The following TENM3 variants were observed in gnomAD, a reference collection of about 807,000 sequenced individuals.
TENM3 encodes teneurin transmembrane protein 3, also known as teneurin-3.
Under a neutral mutation model 255.1 loss-of-function variants are expected in TENM3, and 63 were observed. The observed-to-expected ratio is 0.25, with a 90% CI of 0.20 to 0.30. The LOEUF (loss-of-function observed/expected upper bound fraction) is 0.30, where lower values mean the gene tolerates loss of function less well. TENM3 is among the 10% of genes least tolerant of loss of function. The probability of loss-of-function intolerance (pLI) is 1.00; values close to 1 mark genes in which losing one functional copy is unlikely to be tolerated. For missense variants in TENM3, 2,929 were observed against 3,461.1 expected, an observed-to-expected ratio of 0.85 and a Z score of 3.86; for synonymous variants, 1,306 against 1,322.3, an observed-to-expected ratio of 0.99 and a Z score of 0.27.
At chr4:182,516,901 A>C (rs1244820949) in intron 3 of TENM3, among the ~76,000 whole-genome samples, 2 of 152,028 alleles carry the variant, frequency 1.3e-5, no homozygotes, top group Non-Finnish European at 2.9e-5. Flanking sequence ...AAAAAAAAAA[A>C]AAATGTAGGA....
chr4:181,780,075 G>T, the TENM3 span, among the ~76,000 whole-genome samples: 5 of 152,034 alleles, frequency 3.3e-5, no homozygotes, highest in East Asian at 1.9e-4. Flanking sequence ...TTTGCTATTG[G>T]GAATAGTGCT....
chr4:182,216,157 A>G (rs1004630510), intron 1 of TENM3, among the ~76,000 whole-genome samples: 3 of 152,238 alleles, frequency 2.0e-5, no homozygotes, highest in Admixed American at 6.5e-5. Context: ...TACCAGCCAG[A>G]AATGATTGCC....
the TENM3 span, among the ~76,000 whole-genome samples, chr4:181,736,590 G>T: frequency 6.6e-6 from 1 of 151,898 alleles, no homozygotes; most frequent in Non-Finnish European, 1.5e-5. Flanking sequence ...ACTATTCTGT[G>T]AGTAGATACA....
the TENM3 span, among the ~76,000 whole-genome samples, chr4:181,556,364 G>T: frequency 5.9e-4 from 89 of 151,896 alleles, no homozygotes; most frequent in East Asian, 2.7e-3. Flanking sequence ...AATTTGTGGG[G>T]TTTTTTTCTA....
chr4:181,511,402 G>A, the TENM3 span, among the ~76,000 whole-genome samples: 1 of 152,172 alleles, frequency 6.6e-6, no homozygotes, highest in Admixed American at 6.5e-5. Flanking sequence ...CTGGAGTACT[G>A]GGGGCCTCTC....
intron 17 of TENM3, among the ~76,000 whole-genome samples, 197 bp from the exon 18 acceptor site, chr4:182,738,204 A>G (rs555906628): frequency 6.6e-6 from 1 of 152,220 alleles, no homozygotes; most frequent in Admixed American, 6.5e-5. Context: ...ATCAGTGGAA[A>G]ATAATATTTG....
At chr4:182,366,981 C>T (rs1211657213) in intron 3 of TENM3, among the ~76,000 whole-genome samples, 1 of 152,108 alleles carries the variant, frequency 6.6e-6, no homozygotes, top group Non-Finnish European at 1.5e-5. Context: ...GAATAAAAGA[C>T]ATCCTTTGCT....
the TENM3 span, among the ~76,000 whole-genome samples, chr4:181,874,944 A>G: frequency 1.3e-5 from 2 of 152,174 alleles, no homozygotes; most frequent in Non-Finnish European, 2.9e-5. Flanking sequence ...CCTGTTGTTC[A>G]TTGCCTCCAT....
the TENM3 span, among the ~76,000 whole-genome samples, chr4:181,577,209 A>ATTATATATATTATATATATATT: frequency 7.7e-6 from 1 of 129,324 alleles, no homozygotes; most frequent in African/African-American, 3.0e-5. Flanking sequence ...ATATATATAT[A>ATTATATATATTATATATATATT]TTTTTTTTTT....
intron 5 of TENM3, among the ~76,000 whole-genome samples, chr4:182,630,115 A>T (rs1169577159): frequency 2.0e-5 from 3 of 152,172 alleles, no homozygotes; most frequent in Non-Finnish European, 4.4e-5. Context: ...TACCAGTCAG[A>T]GGTAAAAGCA....
chr4:181,744,252 C>T, the TENM3 span, among the ~76,000 whole-genome samples: 1 of 152,084 alleles, frequency 6.6e-6, no homozygotes, highest in African/African-American at 2.4e-5. Context: ...GATTCTATGT[C>T]TTTGCTATTG....
At chr4:182,475,090 G>A (rs1159956577) in intron 3 of TENM3, among the ~76,000 whole-genome samples, 3 of 152,096 alleles carry the variant, frequency 2.0e-5, no homozygotes, top group Admixed American at 6.6e-5. Flanking sequence ...CTTATTGGAG[G>A]TACCTTCCTT....
At chr4:181,887,706 G>T in the TENM3 span, among the ~76,000 whole-genome samples, 1 of 152,072 alleles carries the variant, frequency 6.6e-6, no homozygotes, top group Non-Finnish European at 1.5e-5. Flanking sequence ...TCAGCCTCTC[G>T]GACTCCAGGA....
intron 1 of TENM3, among the ~76,000 whole-genome samples, chr4:182,313,306 A>G (rs989805022): frequency 6.6e-6 from 1 of 151,836 alleles, no homozygotes; most frequent in African/African-American, 2.4e-5. Flanking sequence ...TATACTATTT[A>G]TAGTTCTATA....
At chr4:182,457,474 A>G (rs1773969639) in intron 3 of TENM3, among the ~76,000 whole-genome samples, 3 of 146,426 alleles carry the variant, frequency 2.0e-5, no homozygotes. Flanking sequence ...TTTTAAAGAT[A>G]TGGAAACTAA....
chr4:182,496,968 A>T (rs1441576802), intron 3 of TENM3, among the ~76,000 whole-genome samples: 2 of 152,206 alleles, frequency 1.3e-5, no homozygotes, highest in Non-Finnish European at 2.9e-5. Context: ...TAGACTTAGT[A>T]GCATAAATAA....
chr4:182,001,714 A>G, the TENM3 span, among the ~76,000 whole-genome samples: 91 of 152,272 alleles, frequency 6.0e-4, 2 homozygotes, highest in East Asian at 0.016. Flanking sequence ...TCTAAAGTGC[A>G]TTGAGTTCTT....
At chr4:182,239,801 CT>C (rs1468743423), upstream of TENM3, among the ~76,000 whole-genome samples, 1 of 151,808 alleles carries the variant, frequency 6.6e-6, no homozygotes, top group African/African-American at 2.4e-5. Context: ...GCAAAAAAAG[CT>C]TTACTGGAAA....
the TENM3 span, among the ~76,000 whole-genome samples, chr4:181,469,011 A>G: frequency 0.7 from 106,790 of 152,072 alleles, 37,842 homozygotes; most frequent in Non-Finnish European, 0.74. Flanking sequence ...TTTTCAGTAC[A>G]TACATAATCT....
Sources: allele counts gnomAD v4.1 joint callset (sites outside exome capture counted in the v4.1 genomes callset), GRCh38; gene constraint gnomAD v4.1.1; transcripts MANE v1.5; gene names NCBI Gene and HGNC (gene_info 2026-07-23, HGNC 2026-07-21).